CDH20: variants seen among roughly 807,000 people sequenced by gnomAD.
The protein encoded by CDH20 is cadherin-20.
Under a neutral mutation model 74.2 loss-of-function variants are expected in CDH20, and 29 were observed. The ratio of observed to expected loss-of-function variants is 0.39; its 90% confidence interval spans 0.29 to 0.53. The LOEUF is 0.53. Ranked by LOEUF, CDH20 falls within the 20% of genes least tolerant of loss-of-function variation. CDH20 has a pLI of 0.69. For missense variants in CDH20, 988 were observed against 1,048.3 expected, an observed-to-expected ratio of 0.94 and a Z score of 0.79; for synonymous variants, 469 against 405.4, an observed-to-expected ratio of 1.16 and a Z score of -1.88.
intron 6 of CDH20, among the ~76,000 whole-genome samples, chr18:61,511,065 C>A (rs968084283): frequency 1.3e-5 from 2 of 148,374 alleles, no homozygotes; most frequent in Non-Finnish European, 3.0e-5. Flanking sequence ...TGGCTCACTG[C>A]AGCCTTGACC....
At chr18:61,443,105 A>G (rs572100546) in intron 1 of CDH20, among the ~76,000 whole-genome samples, 1 of 152,306 alleles carries the variant, frequency 6.6e-6, no homozygotes, top group South Asian at 2.1e-4. Context: ...AAAGGAAGGA[A>G]GAAAAGGGAC....
chr18:61,545,138 A>G lies in CDH20; in HGVS notation c.1642A>G (p.Asn548Asp), dbSNP rs1338400657. 1.9e-6 allele frequency: 3 copies of G among 1,601,832 alleles called. No individual in the cohort carries two copies. The highest frequency in any genetic ancestry group is 1.3e-5 in the African/African-American group (1 of 74,660). The change falls in exon 10 of 12, where the codon AAC (asparagine) becomes GAC (aspartate). Residue 548 changes from asparagine to aspartate, a missense_variant. By Grantham distance (23) the Asn-to-Asp change is conservative. Coordinates refer to ENST00000262717, the MANE Select transcript of CDH20 (RefSeq NM_031891.4). ...ANNPNFTIRD[N>D]QDNTARILTR... Reference sequence around the variant, plus strand: ...CAACCCCAACTTTACCATAAGGGACAACCAAGGTAATCAGGTGGATGGTTG... The same window carrying G: ...CAACCCCAACTTTACCATAAGGGACGACCAAGGTAATCAGGTGGATGGTTG...
At chr18:61,343,382 A>G (rs1910015580) in intron 1 of CDH20, among the ~76,000 whole-genome samples, 2 of 152,222 alleles carry the variant, frequency 1.3e-5, no homozygotes, top group African/African-American at 4.8e-5. Context: ...ATGATCCACT[A>G]TATATGACTA....
At chr18:61,545,491 T>G (rs764786182) in intron 10 of CDH20, among the ~76,000 whole-genome samples, 1 of 152,092 alleles carries the variant, frequency 6.6e-6, no homozygotes, top group Non-Finnish European at 1.5e-5. Context: ...AGTCAGTAAG[T>G]CGGCAGATGT....
At chr18:61,526,693 T>C (rs1912426209) in intron 6 of CDH20, among the ~76,000 whole-genome samples, 2 of 151,798 alleles carry the variant, frequency 1.3e-5, no homozygotes, top group Admixed American at 6.6e-5. Context: ...GTATTTATTT[T>C]GAAAAAAAAA....
At position 61,425,313 on chromosome 18, in the gene CDH20, A is replaced by G. The variant is rs369843322; in HGVS notation, c.-152-65089A>G. Reference sequence around the variant, plus strand: ...GGACCGGGAAGTGATGGGAACTTCCAGTAATGACCATCACTGACCCATAGA... The same window carrying G: ...GGACCGGGAAGTGATGGGAACTTCCGGTAATGACCATCACTGACCCATAGA... On this transcript the variant is annotated intron_variant, in intron 1 of 11. Transcript: ENST00000262717. 3.0e-3 allele frequency among the ~76,000 whole-genome samples: 454 copies of G among 152,338 alleles called. 1 individual carries two copies. Among genetic ancestry groups the G allele is most frequent in the Non-Finnish European group, 5.4e-3 (365 of 68,022 alleles).
Position 61,545,153 on chromosome 18 carries a change from G to C in CDH20, c.1648+9G>C, listed in dbSNP as rs1451673451. The C allele has an allele frequency of 6.4e-7, 1 of 1,555,554 alleles. No individual in the cohort carries two copies. Among genetic ancestry groups the C allele is most frequent in the South Asian group, 1.1e-5 (1 of 89,888 alleles). The stretch of plus-strand genomic sequence containing the variant: ...CATAAGGGACAACCAAGGTAATCAG[G>C]TGGATGGTTGGCTATCTGTGCTTTT... On this transcript the variant is annotated intron_variant, in intron 10 of 11. Transcript: ENST00000262717.
At chr18:61,535,190 C>G (rs1180439743) in intron 7 of CDH20, among the ~76,000 whole-genome samples, 2 of 151,960 alleles carry the variant, frequency 1.3e-5, no homozygotes, top group Admixed American at 6.6e-5. Flanking sequence ...GTGGCAGGCA[C>G]CTGTAATCCC....
At chr18:61,441,913 C>T (rs541600354) in intron 1 of CDH20, among the ~76,000 whole-genome samples, 13 of 152,194 alleles carry the variant, frequency 8.5e-5, no homozygotes, top group South Asian at 8.3e-4. Context: ...GTTCTCTACC[C>T]GCATGTCTTG....
intron 1 of CDH20, among the ~76,000 whole-genome samples, chr18:61,362,920 T>C (rs1355374151): frequency 6.6e-6 from 1 of 152,126 alleles, no homozygotes; most frequent in Non-Finnish European, 1.5e-5. Flanking sequence ...ATGAAATGCA[T>C]TAGGAGCAAA....
chr18:61,527,411 A>ATAGATAGATAGATAGATAGG (rs1407395092), intron 6 of CDH20, among the ~76,000 whole-genome samples: 1 of 151,620 alleles, frequency 6.6e-6, no homozygotes, highest in African/African-American at 2.4e-5. Context: ...AGATAGATAG[A>ATAGATAGATAGATAGATAGG]TAGAATAGAT....
chr18:61,373,272 C>T (rs1190503693), intron 1 of CDH20, among the ~76,000 whole-genome samples: 1 of 151,532 alleles, frequency 6.6e-6, no homozygotes, highest in Non-Finnish European at 1.5e-5. Context: ...AACTTTTCTA[C>T]TTTGGGGTTT....
chr18:61,438,997 C>G (rs373904105), intron 1 of CDH20, among the ~76,000 whole-genome samples: 2 of 152,216 alleles, frequency 1.3e-5, no homozygotes, highest in South Asian at 2.1e-4. Context: ...TGAATTAATG[C>G]AGGCACAGAA....
At chr18:61,406,386 T>C (rs935834040) in intron 1 of CDH20, among the ~76,000 whole-genome samples, 1 of 152,192 alleles carries the variant, frequency 6.6e-6, no homozygotes, top group Non-Finnish European at 1.5e-5. Flanking sequence ...ATTCTACAAA[T>C]ATGCATCAAG....
intron 1 of CDH20, among the ~76,000 whole-genome samples, chr18:61,467,973 C>T (rs1212629008): frequency 2.0e-5 from 3 of 152,180 alleles, no homozygotes; most frequent in South Asian, 2.1e-4. Context: ...CTATTAGCTT[C>T]GTTTTACAGG....
chr18:61,383,583 A>C (rs1911505516), intron 1 of CDH20, among the ~76,000 whole-genome samples: 1 of 152,166 alleles, frequency 6.6e-6, no homozygotes. Context: ...TCTGTCTAAA[A>C]AAAAATAAAA....
intron 1 of CDH20, among the ~76,000 whole-genome samples, chr18:61,437,973 A>G (rs913151817): frequency 1.3e-5 from 2 of 152,156 alleles, no homozygotes; most frequent in Non-Finnish European, 2.9e-5. Context: ...AAATTGCTCC[A>G]ACCAAAAAGA....
At chr18:61,351,022 A>G (rs1409726072) in intron 1 of CDH20, among the ~76,000 whole-genome samples, 2 of 152,134 alleles carry the variant, frequency 1.3e-5, no homozygotes, top group Admixed American at 6.5e-5. Context: ...CCTTTTCTTC[A>G]TCAGCAAGCA....
chr18:61,544,962 T>G, intron 9 of CDH20, 65 bp from the exon 10 acceptor site: 1 of 1,071,448 alleles, frequency 9.3e-7, no homozygotes, highest in Non-Finnish European at 1.5e-6. Context: ...GGGTTTGGGA[T>G]TTAACTGGGC....
Sources: allele counts gnomAD v4.1 joint callset (sites outside exome capture counted in the v4.1 genomes callset), GRCh38; gene constraint gnomAD v4.1.1; transcripts MANE v1.5; gene names NCBI Gene and HGNC (gene_info 2026-07-23, HGNC 2026-07-21).